SNAPC1: variants seen among roughly 807,000 people sequenced by gnomAD.
The protein encoded by SNAPC1 is snRNA-activating protein complex subunit 1.
Under a neutral mutation model 50.1 loss-of-function variants are expected in SNAPC1, and 42 were observed. That is an observed-to-expected ratio of 0.84 (90% CI 0.65 to 1.08). SNAPC1 has a LOEUF of 1.08. Ranked by LOEUF, SNAPC1 falls within the 50% of genes least tolerant of loss-of-function variation. The pLI is 0.00. For missense variants in SNAPC1, 477 were observed against 427.3 expected (o/e 1.12, Z -1.02); for synonymous variants, 164 against 144.2 (o/e 1.14, Z -0.98).
chr14:61,786,623 C>T (rs1371235138), intron 8 of SNAPC1, among the ~76,000 whole-genome samples: 1 of 152,126 alleles, frequency 6.6e-6, no homozygotes, highest in Non-Finnish European at 1.5e-5. Flanking sequence ...AACAAAAAGA[C>T]CCCACAAAGC....
At chr14:61,782,191 T>G (rs948502475) in intron 7 of SNAPC1, 56 bp from the exon 8 acceptor site, 21 of 1,296,014 alleles carry the variant, frequency 1.6e-5, no homozygotes, top group Non-Finnish European at 2.2e-5. Context: ...TCCTCTCAAT[T>G]TTATCATTTG....
chr14:61,793,178 T>C (rs772013328), intron 9 of SNAPC1, among the ~76,000 whole-genome samples: 6 of 152,356 alleles, frequency 3.9e-5, no homozygotes, highest in South Asian at 2.1e-4. Context: ...TGCTTTCATC[T>C]GGACAGTGTT....
intron 8 of SNAPC1, among the ~76,000 whole-genome samples, chr14:61,782,600 C>T (rs1036536126): frequency 6.6e-6 from 1 of 152,084 alleles, no homozygotes; most frequent in Non-Finnish European, 1.5e-5. Context: ...TCAAATGTAT[C>T]GTTTTATAGA....
chr14:61,766,863 C>G lies in SNAPC1; in HGVS notation c.129-13C>G, dbSNP rs1566586988. ...CTTAATGAGTCGTAATATATTTTCT[C>G]TCTGTTTATTAGTGGCAGAATGAGA... is the stretch of plus-strand genomic sequence containing the variant. On this transcript the variant is annotated splice_polypyrimidine_tract_variant and intron_variant, in intron 1 of 9. Transcript: ENST00000216294. The G allele has an allele frequency of 6.4e-7, 1 of 1,556,170 alleles. No homozygotes were observed. The highest frequency in any genetic ancestry group is 1.1e-5 in the South Asian group (1 of 89,276).
At chr14:61,764,418 G>T (rs79464597) in intron 1 of SNAPC1, among the ~76,000 whole-genome samples, 4,712 of 152,128 alleles carry the variant, frequency 0.031, 82 homozygotes, top group Non-Finnish European at 0.051. Flanking sequence ...GCTGTTTGTT[G>T]TACAGTTAAT....
intron 6 of SNAPC1, 133 bp from the exon 7 acceptor site, chr14:61,778,704 TCAATGTATACC>T: frequency 1.6e-6 from 1 of 630,558 alleles, no homozygotes; most frequent in Non-Finnish European, 2.8e-6. Flanking sequence ...GTGTGTGTAC[TCAATGTATACC>T]CAATGTATGT....
At chr14:61,782,140 T>A (rs1373299354) in intron 7 of SNAPC1, 107 bp from the exon 8 acceptor site, 8 of 869,708 alleles carry the variant, frequency 9.2e-6, no homozygotes, top group Non-Finnish European at 1.4e-5. Flanking sequence ...TGACAGATAT[T>A]TCTGTAAATC....
chr14:61,785,721 A>C (rs1208155991), intron 8 of SNAPC1, among the ~76,000 whole-genome samples: 1 of 152,240 alleles, frequency 6.6e-6, no homozygotes, highest in Non-Finnish European at 1.5e-5. Flanking sequence ...TAGGTAAGAC[A>C]AAAAGTTGGA....
chr14:61,767,287 G>A lies in SNAPC1; in HGVS notation c.364G>A (p.Ala122Thr). ...QDLVNAQHFD[A>T]AYIFRKLRLD... ...TTTAGTAAATGCACAGCATTTTGATGCAGCTTATATTTTTAGGAAGCTACG... is the reference window on the plus strand; with the variant it reads ...TTTAGTAAATGCACAGCATTTTGATACAGCTTATATTTTTAGGAAGCTACG... Residue 122 changes from alanine to threonine, a missense_variant, in exon 3 of 10, where the codon GCA becomes ACA. By Grantham distance (58) the Ala-to-Thr change is moderately conservative. Coordinates refer to ENST00000216294, the MANE Select transcript of SNAPC1 (RefSeq NM_003082.4). 6.5e-6 allele frequency: 10 copies of A among 1,530,454 alleles called. No individual in the cohort carries two copies. The highest frequency in any genetic ancestry group is 8.8e-6 in the Non-Finnish European group (10 of 1,137,536). The allele number at this position is 1,530,454 out of a possible 1,614,324, so 94.8% of individuals were successfully genotyped here. A position where few individuals can be genotyped will look rare whatever the true frequency, so the allele number is the denominator to read the frequency against.
At chr14:61,777,729 C>CCACCAT (rs1235608022) in intron 5 of SNAPC1, among the ~76,000 whole-genome samples, 13 of 151,854 alleles carry the variant, frequency 8.6e-5, no homozygotes, top group Admixed American at 3.9e-4. Flanking sequence ...ACAGGATTAG[C>CCACCAT]CACCATGCAT....
At chr14:61,764,003 C>G (rs2044929019) in intron 1 of SNAPC1, among the ~76,000 whole-genome samples, 1 of 152,016 alleles carries the variant, frequency 6.6e-6, no homozygotes. Flanking sequence ...GGTGCGATCT[C>G]CTATCACTGC....
At chr14:61,783,621 T>C (rs7140893) in intron 8 of SNAPC1, among the ~76,000 whole-genome samples, 52,199 of 146,614 alleles carry the variant, frequency 0.36, 9,489 homozygotes, top group South Asian at 0.47. Flanking sequence ...CTGCAACCTC[T>C]GCCTCCCGGG....
chr14:61,786,975 A>T (rs2045119068), intron 8 of SNAPC1, among the ~76,000 whole-genome samples: 1 of 152,272 alleles, frequency 6.6e-6, no homozygotes, highest in South Asian at 2.1e-4. Context: ...AAGAGCTATC[A>T]TACATCTAAC....
chr14:61,781,978 C>T (rs998238862), intron 7 of SNAPC1, among the ~76,000 whole-genome samples: 9 of 152,176 alleles, frequency 5.9e-5, no homozygotes, highest in African/African-American at 2.2e-4. Flanking sequence ...TGTTGCCTAA[C>T]CATGCCAGAT....
intron 1 of SNAPC1, among the ~76,000 whole-genome samples, chr14:61,765,034 T>A (rs2044936684): frequency 6.6e-6 from 1 of 152,242 alleles, no homozygotes; most frequent in South Asian, 2.1e-4. Flanking sequence ...ATCAACACTT[T>A]GAGACATTTA....
At chr14:61,772,680 A>G (rs2045000955) in intron 4 of SNAPC1, among the ~76,000 whole-genome samples, 1 of 152,204 alleles carries the variant, frequency 6.6e-6, no homozygotes, top group Non-Finnish European at 1.5e-5. Flanking sequence ...ATGAGCCACC[A>G]TGGTTGTCCG....
chr14:61,793,832 T>G (rs2045169746), intron 9 of SNAPC1, among the ~76,000 whole-genome samples: 1 of 151,984 alleles, frequency 6.6e-6, no homozygotes, highest in South Asian at 2.1e-4. Context: ...CATTTTTGTA[T>G]TTTTGTAGAG....
chr14:61,785,228 C>T (rs1335313726), intron 8 of SNAPC1, among the ~76,000 whole-genome samples: 1 of 152,076 alleles, frequency 6.6e-6, no homozygotes, highest in Non-Finnish European at 1.5e-5. Flanking sequence ...CATGGAGAAA[C>T]CCCGTCTCTA....
chr14:61,790,586 C>T (rs946224194), intron 8 of SNAPC1, among the ~76,000 whole-genome samples: 1 of 152,226 alleles, frequency 6.6e-6, no homozygotes, highest in Middle Eastern at 3.2e-3. Context: ...ATCCACCCAC[C>T]TCAGCCTCCT....
Sources: gnomAD v4.1 joint callset for allele counts (sites outside exome capture counted in the v4.1 genomes callset) on GRCh38, gnomAD v4.1.1 for gene constraint, MANE v1.5 for transcripts, NCBI Gene and HGNC (gene_info 2026-07-23, HGNC 2026-07-21) for gene names.